Variants in VPS13B observed in about 807,000 individuals in gnomAD.
The protein encoded by VPS13B is vacuolar protein sorting 13 homolog B.
Under a neutral mutation model 426.4 loss-of-function variants are expected in VPS13B, and 285 were observed. The observed-to-expected ratio is 0.67, with a 90% CI of 0.61 to 0.74. The LOEUF is 0.74. Among genes scored for constraint, VPS13B ranks in the 30% least tolerant of loss-of-function variants. The pLI is 0.00. For missense variants in VPS13B, 4,537 were observed against 4,782.6 expected (o/e 0.95, Z 1.51); for synonymous variants, 1,676 against 1,676.4 (o/e 1.00, Z 0.01).
At chr8:99,389,738 G>T (rs547335518) in intron 20 of VPS13B, 2 of 152,130 alleles carry the variant, frequency 1.3e-5, no homozygotes, top group Non-Finnish European at 2.9e-5. Flanking sequence ...AACTTATGTG[G>T]TTCAAACTTA....
chr8:99,125,412 C>G (rs188354560), intron 8 of VPS13B, among the ~76,000 whole-genome samples: 1 of 152,276 alleles, frequency 6.6e-6, no homozygotes, highest in East Asian at 1.9e-4. Flanking sequence ...TTAGATGGTG[C>G]CCACCCAGAT....
At chr8:99,142,443 G>A (rs1356363491) in intron 12 of VPS13B, among the ~76,000 whole-genome samples, 1 of 152,114 alleles carries the variant, frequency 6.6e-6, no homozygotes, top group African/African-American at 2.4e-5. Context: ...CTAGGAAGTA[G>A]GATTCTGTAC....
intron 6 of VPS13B, among the ~76,000 whole-genome samples, chr8:99,115,477 CA>C (rs1273659956): frequency 2.6e-5 from 4 of 151,988 alleles, no homozygotes; most frequent in Non-Finnish European, 4.4e-5. Flanking sequence ...GTATGTACAT[CA>C]TTTGGTTTAA....
At chr8:99,725,531 G>A (rs1833309085) in intron 39 of VPS13B, among the ~76,000 whole-genome samples, 1 of 152,098 alleles carries the variant, frequency 6.6e-6, no homozygotes, top group Non-Finnish European at 1.5e-5. Context: ...CCCACCCCTT[G>A]GTCTATGGAA....
chr8:99,303,730 CAAAAAAA>C (rs58708195), intron 19 of VPS13B, among the ~76,000 whole-genome samples: 7 of 63,714 alleles, frequency 1.1e-4, no homozygotes, highest in African/African-American at 1.4e-4. Context: ...GACTCCGTCT[CAAAAAAA>C]AAAAAAAAAA....
chr8:99,085,621 C>T (rs889423512), intron 3 of VPS13B, among the ~76,000 whole-genome samples: 1 of 152,130 alleles, frequency 6.6e-6, no homozygotes, highest in Non-Finnish European at 1.5e-5. Context: ...GTGCTTCCTT[C>T]AGGAGCTCTT....
chr8:99,117,730 C>T (rs539928598), intron 7 of VPS13B, among the ~76,000 whole-genome samples: 1 of 152,234 alleles, frequency 6.6e-6, no homozygotes, highest in East Asian at 1.9e-4. Context: ...TAGAAATGTT[C>T]ATAATAGGCA....
chr8:99,586,054 C>A (rs982241896), intron 33 of VPS13B, among the ~76,000 whole-genome samples: 12 of 152,182 alleles, frequency 7.9e-5, no homozygotes, highest in Non-Finnish European at 1.5e-4. Context: ...GCACTCCCCA[C>A]TCCTCTTTTC....
intron 52 of VPS13B, 46 bp from the exon 53 acceptor site, chr8:99,835,150 AT>A (rs746815882): frequency 1.9e-6 from 3 of 1,612,080 alleles, no homozygotes; most frequent in East Asian, 4.5e-5. Context: ...GAGAGCATTC[AT>A]TTTTTTTCCT....
At chr8:99,422,524 A>T (rs1588358414) in intron 21 of VPS13B, among the ~76,000 whole-genome samples, 1 of 152,016 alleles carries the variant, frequency 6.6e-6, no homozygotes, top group South Asian at 2.1e-4. Context: ...TTTTGTGCAA[A>T]CCTTTGCTAT....
chr8:99,023,478 CTTTCT>C (rs1161759673), intron 2 of VPS13B, among the ~76,000 whole-genome samples: 5 of 150,490 alleles, frequency 3.3e-5, no homozygotes, highest in African/African-American at 9.8e-5. Flanking sequence ...TCTTTTCTTT[CTTTCT>C]TTTCTTTTTT....
intron 17 of VPS13B, among the ~76,000 whole-genome samples, chr8:99,220,952 C>A (rs1399586117): frequency 2.3e-4 from 20 of 87,806 alleles, no homozygotes; most frequent in Non-Finnish European, 4.5e-5. Context: ...CCCGACCCCA[C>A]CACAGTCCCC....
At chr8:99,015,043 C>T (rs1332192370) in intron 2 of VPS13B, among the ~76,000 whole-genome samples, 1 of 152,010 alleles carries the variant, frequency 6.6e-6, no homozygotes, top group Non-Finnish European at 1.5e-5. Context: ...TAGTTATAGT[C>T]CACAGCCTCT....
At chr8:99,503,446 A>C (rs1403255883) in intron 27 of VPS13B, among the ~76,000 whole-genome samples, 1 of 152,190 alleles carries the variant, frequency 6.6e-6, no homozygotes, top group African/African-American at 2.4e-5. Context: ...TTTCTTTATG[A>C]AAGATTTCTC....
chr8:99,468,117 A>G (rs1385168928), intron 24 of VPS13B, among the ~76,000 whole-genome samples: 2 of 152,120 alleles, frequency 1.3e-5, no homozygotes, highest in Non-Finnish European at 2.9e-5. Flanking sequence ...CATCATTTAC[A>G]TTAGGTATAT....
At chr8:99,690,312 A>C (rs192581766) in intron 35 of VPS13B, among the ~76,000 whole-genome samples, 2 of 152,340 alleles carry the variant, frequency 1.3e-5, no homozygotes, top group East Asian at 3.9e-4. Context: ...TTCAGGAAAG[A>C]TCGTAGACTT....
At chr8:99,410,741 G>A (rs1022861776) in intron 21 of VPS13B, among the ~76,000 whole-genome samples, 1 of 152,014 alleles carries the variant, frequency 6.6e-6, no homozygotes, top group Admixed American at 6.6e-5. Flanking sequence ...GGGGGCCAGT[G>A]TGTGATGTTC....
chr8:99,608,917 A>G (rs114085890), intron 33 of VPS13B, among the ~76,000 whole-genome samples: 1 of 152,064 alleles, frequency 6.6e-6, no homozygotes, highest in African/African-American at 2.4e-5. Flanking sequence ...TAGGTGATGG[A>G]CTTTTGGGTT....
chr8:99,607,014 C>T (rs184940265), intron 33 of VPS13B, among the ~76,000 whole-genome samples: 6 of 152,230 alleles, frequency 3.9e-5, no homozygotes, highest in Admixed American at 3.9e-4. Context: ...GGATAATCTC[C>T]CCATTTCAAG....
Sources: allele counts gnomAD v4.1 joint callset (sites outside exome capture counted in the v4.1 genomes callset), GRCh38; gene constraint gnomAD v4.1.1; transcripts MANE v1.5; gene names NCBI Gene and HGNC (gene_info 2026-07-23, HGNC 2026-07-21).